Variants in PLOD2 observed in about 807,000 individuals in gnomAD.
PLOD2 encodes the protein lysine hydroxylase 2.
PLOD2 carries 65 observed loss-of-function variants against 101.0 expected under a neutral mutation model. That is an observed-to-expected ratio of 0.64 (90% CI 0.53 to 0.79). The LOEUF (loss-of-function observed/expected upper bound fraction) is 0.79, where lower values mean the gene tolerates loss of function less well. Among genes scored for constraint, PLOD2 ranks in the 30% least tolerant of loss-of-function variants. The pLI is 0.00. For synonymous variants in PLOD2, 314 were observed against 302.9 expected (o/e 1.04, Z -0.38); for missense variants, 909 against 914.6 (o/e 0.99, Z 0.08).
At chr3:146,107,280 A>T (rs1937551488) in intron 4 of PLOD2, among the ~76,000 whole-genome samples, 1 of 152,182 alleles carries the variant, frequency 6.6e-6, no homozygotes, top group Non-Finnish European at 1.5e-5. Context: ...CTAAAATTGG[A>T]TTGTTCTCCT....
intron 2 of PLOD2, chr3:146,123,198 G>T: frequency 2.4e-6 from 1 of 424,858 alleles, no homozygotes; most frequent in Non-Finnish European, 3.5e-6. Flanking sequence ...AAATGGATCA[G>T]TTTTTCTCCA....
At chr3:146,142,224 T>C (rs2031557712) in intron 1 of PLOD2, among the ~76,000 whole-genome samples, 1 of 152,176 alleles carries the variant, frequency 6.6e-6, no homozygotes, top group Non-Finnish European at 1.5e-5. Context: ...TAAAAGGAAC[T>C]AGTTTTTTTA....
intron 11 of PLOD2, among the ~76,000 whole-genome samples, chr3:146,082,300 A>G (rs758088080): frequency 2.6e-5 from 4 of 152,194 alleles, no homozygotes; most frequent in Non-Finnish European, 5.9e-5. Flanking sequence ...TATTCAATGA[A>G]TATTTGTTGA....
intron 11 of PLOD2, among the ~76,000 whole-genome samples, chr3:146,082,169 G>T (rs1936567391): frequency 6.6e-6 from 1 of 152,112 alleles, no homozygotes; most frequent in Non-Finnish European, 1.5e-5. Flanking sequence ...CCAACAGAGG[G>T]AAACTACTTT....
chr3:146,107,967 A>G (rs1937565829), intron 4 of PLOD2, among the ~76,000 whole-genome samples: 1 of 151,814 alleles, frequency 6.6e-6, no homozygotes, highest in South Asian at 2.1e-4. Context: ...TTCTGGGGAG[A>G]AGACAATACA....
intron 1 of PLOD2, among the ~76,000 whole-genome samples, chr3:146,155,555 A>T (rs1002638357): frequency 2.0e-5 from 3 of 151,120 alleles, no homozygotes; most frequent in Non-Finnish European, 4.4e-5. Flanking sequence ...TACTAAAAAA[A>T]AAATACAAAA....
At chr3:146,136,772 G>T (rs1333372051) in intron 1 of PLOD2, among the ~76,000 whole-genome samples, 1 of 152,142 alleles carries the variant, frequency 6.6e-6, no homozygotes, top group East Asian at 1.9e-4. Flanking sequence ...TTCCTTACAG[G>T]TTTGTAGTGT....
At position 146,077,898 on chromosome 3, in the gene PLOD2, AG is replaced by A. The variant is rs771339876; in HGVS notation, c.1526del (p.Pro509LeufsTer58). 1 of 1,601,752 alleles carries A rather than the reference AG, an allele frequency of 6.2e-7. No individual in the cohort carries two copies. Among genetic ancestry groups the A allele is most frequent in the Non-Finnish European group, 8.6e-7 (1 of 1,169,406 alleles). ...EMTLQREKDS[P>X]TPETFQMLSP... ...TGAGCATTTGGAATGTTTCCGGAGT[AG>A]GGGAGTCTTTTTCCCTTTGTAAAGT... On this transcript the variant is annotated frameshift_variant, in exon 14 of 20. Coordinates refer to ENST00000282903, the MANE Select transcript of PLOD2 (RefSeq NM_182943.3). LOFTEE classifies it high-confidence loss of function.
In PLOD2 at chr3:146,102,752, TA is replaced by T. The variant is rs1559849721; in HGVS notation, c.777+2del. 2.1e-6 allele frequency: 3 copies of T among 1,447,612 alleles called. No homozygotes were observed. Among genetic ancestry groups the T allele is most frequent in the Non-Finnish European group, 2.9e-6 (3 of 1,028,202 alleles). The allele number at this position is 1,447,612 out of a possible 1,614,324, so 89.7% of individuals were successfully genotyped here. ...TGGCCAAATAAAAGTAACTGTTACT[TA>T]CCTTGGTGGGTCCATTTCCATTAAT... On this transcript the variant is annotated splice_donor_variant, in intron 7 of 19. Coordinates refer to ENST00000282903, the MANE Select transcript of PLOD2 (RefSeq NM_182943.3). LOFTEE classifies it high-confidence loss of function.
intron 1 of PLOD2, among the ~76,000 whole-genome samples, chr3:146,135,975 A>G (rs578240469): frequency 2.6e-5 from 4 of 152,162 alleles, no homozygotes; most frequent in Non-Finnish European, 5.9e-5. Context: ...GTATCTCTAC[A>G]ATAAATTCCA....
chr3:146,132,954 G>A (rs961858550), intron 1 of PLOD2, among the ~76,000 whole-genome samples: 13 of 152,252 alleles, frequency 8.5e-5, no homozygotes, highest in Admixed American at 3.9e-4. Flanking sequence ...CAAGGTGGGC[G>A]GATCATGAGG....
chr3:146,100,566 T>C (rs199886718), intron 7 of PLOD2, among the ~76,000 whole-genome samples: 7 of 152,050 alleles, frequency 4.6e-5, no homozygotes, highest in East Asian at 1.9e-4. Flanking sequence ...AGGTGGGAAT[T>C]AGGGGGAGAG....
intron 1 of PLOD2, among the ~76,000 whole-genome samples, chr3:146,140,214 T>C (rs12491553): frequency 0.3 from 44,101 of 145,516 alleles, 7,094 homozygotes; most frequent in South Asian, 0.43. Flanking sequence ...TAAGAATCCC[T>C]TGTTAGAAAG....
At chr3:146,121,864 TG>T (rs2030177434) in intron 2 of PLOD2, among the ~76,000 whole-genome samples, 1 of 152,336 alleles carries the variant, frequency 6.6e-6, no homozygotes, top group African/African-American at 2.4e-5. Flanking sequence ...CTTCACTATT[TG>T]CTTGAGCCTC....
At chr3:146,074,309 C>G (rs1346436614) in intron 15 of PLOD2, among the ~76,000 whole-genome samples, 3 of 151,374 alleles carry the variant, frequency 2.0e-5, no homozygotes, top group Non-Finnish European at 4.4e-5. Context: ...AGTGCAAATA[C>G]AGAGAGCCAG....
chr3:146,126,027 T>A (rs1230379252), intron 1 of PLOD2, among the ~76,000 whole-genome samples: 2 of 152,160 alleles, frequency 1.3e-5, no homozygotes, highest in Admixed American at 1.3e-4. Context: ...ACAATTCCAG[T>A]ATAAAGTTAA....
At chr3:146,138,938 C>T (rs1364091533) in intron 1 of PLOD2, among the ~76,000 whole-genome samples, 2 of 152,022 alleles carry the variant, frequency 1.3e-5, no homozygotes, top group African/African-American at 2.4e-5. Flanking sequence ...ATATTTGAAC[C>T]GAGAAAGACT....
At chr3:146,130,599 G>A (rs189206627) in intron 1 of PLOD2, among the ~76,000 whole-genome samples, 1 of 152,106 alleles carries the variant, frequency 6.6e-6, no homozygotes, top group Non-Finnish European at 1.5e-5. Context: ...CTTGCATGTA[G>A]GTGTGAATGA....
chr3:146,074,265 A>T (rs975041952), intron 15 of PLOD2, among the ~76,000 whole-genome samples: 3 of 151,618 alleles, frequency 2.0e-5, no homozygotes, highest in Non-Finnish European at 4.4e-5. Flanking sequence ...GAAATTTAGA[A>T]TATTTCTAGA....
Sources: gnomAD v4.1 joint callset for allele counts (sites outside exome capture counted in the v4.1 genomes callset) on GRCh38, gnomAD v4.1.1 for gene constraint, MANE v1.5 for transcripts, NCBI Gene and HGNC (gene_info 2026-07-23, HGNC 2026-07-21) for gene names.